TTC6: variants seen among roughly 807,000 people sequenced by gnomAD.
The protein encoded by TTC6 is tetratricopeptide repeat protein 6.
Under a neutral mutation model 210.4 loss-of-function variants are expected in TTC6, and 172 were observed. The observed-to-expected ratio is 0.82, with a 90% CI of 0.72 to 0.93. TTC6 has a LOEUF of 0.93. Among genes scored for constraint, TTC6 ranks in the 40% least tolerant of loss-of-function variants. TTC6 has a pLI of 0.00. For synonymous variants in TTC6, 804 were observed against 819.6 expected, an observed-to-expected ratio of 0.98 and a Z score of 0.32; for missense variants, 2,414 against 2,318.1, an observed-to-expected ratio of 1.04 and a Z score of -0.85.
chr14:37,795,294 A>G, exon 18 of TTC6: 1 of 1,532,742 alleles, frequency 6.5e-7, no homozygotes, highest in South Asian at 1.2e-5. Context: ...AAAGGCAGTA[A>G]ATGAATTGTC....
chr14:37,780,897 TG>T (rs781037644), intron 14 of TTC6, among the ~76,000 whole-genome samples: 1 of 152,148 alleles, frequency 6.6e-6, no homozygotes, highest in Non-Finnish European at 1.5e-5. Context: ...TCTGATCTTG[TG>T]ATAGTTTGCT....
chr14:37,741,543 G>A (rs1255584662), intron 10 of TTC6, among the ~76,000 whole-genome samples: 4 of 152,068 alleles, frequency 2.6e-5, no homozygotes, highest in African/African-American at 9.7e-5. Flanking sequence ...ACCTGCCTCA[G>A]CCTCCCAAAG....
chr14:37,830,077 G>A (rs2139011317), intron 29 of TTC6, among the ~76,000 whole-genome samples: 2 of 152,118 alleles, frequency 1.3e-5, no homozygotes, highest in East Asian at 1.9e-4. Flanking sequence ...TTGGAGTTTT[G>A]CATGTTGATA....
upstream of TTC6, among the ~76,000 whole-genome samples, chr14:37,621,385 G>A (rs2095650802): frequency 6.6e-6 from 1 of 152,194 alleles, no homozygotes; most frequent in Non-Finnish European, 1.5e-5. Context: ...TGAGGTGGGA[G>A]GATGGCATGA....
At chr14:37,802,728 C>G (rs771036513) in intron 20 of TTC6, among the ~76,000 whole-genome samples, 1 of 101,582 alleles carries the variant, frequency 9.8e-6, no homozygotes, top group Non-Finnish European at 1.9e-5. Flanking sequence ...CATTGACTTT[C>G]TTTTTTCTCT....
chr14:37,711,734 G>A (rs2095845052), intron 5 of TTC6, among the ~76,000 whole-genome samples: 1 of 152,056 alleles, frequency 6.6e-6, no homozygotes, highest in Admixed American at 6.6e-5. Flanking sequence ...GGGGGTGACT[G>A]ATAACAACAG....
At chr14:37,621,543 A>G (rs1338049190), upstream of TTC6, among the ~76,000 whole-genome samples, 5 of 152,186 alleles carry the variant, frequency 3.3e-5, no homozygotes, top group Non-Finnish European at 7.3e-5. Flanking sequence ...CAGGAGGCCG[A>G]GGCTGCACTA....
intron 29 of TTC6, among the ~76,000 whole-genome samples, chr14:37,831,061 A>G (rs886539632): frequency 3.9e-5 from 6 of 151,942 alleles, no homozygotes; most frequent in African/African-American, 1.5e-4. Flanking sequence ...CCATTAGCCA[A>G]CCTGTCTTCA....
At chr14:37,796,128 G>C (rs751336620) in intron 18 of TTC6, among the ~76,000 whole-genome samples, 166 bp from the exon 21 acceptor site, 13 of 151,892 alleles carry the variant, frequency 8.6e-5, no homozygotes, top group Non-Finnish European at 1.5e-4. Flanking sequence ...TATGCTAATT[G>C]ATATATTTAG....
At chr14:37,606,629 C>T in intron 1 of TTC6, 34 bp from the exon 2 acceptor site, 1 of 607,754 alleles carries the variant, frequency 1.6e-6, no homozygotes, top group Non-Finnish European at 2.1e-6. Context: ...CTTGTTAGTT[C>T]CCTTTAATCC....
intron 14 of TTC6, among the ~76,000 whole-genome samples, chr14:37,786,275 C>A (rs567085741): frequency 6.6e-6 from 1 of 152,326 alleles, no homozygotes; most frequent in East Asian, 1.9e-4. Context: ...GGGCTCCACC[C>A]AGTTCGAGTT....
intron 29 of TTC6, among the ~76,000 whole-genome samples, chr14:37,831,338 T>C (rs1254076366): frequency 6.6e-6 from 1 of 152,178 alleles, no homozygotes; most frequent in South Asian, 2.1e-4. Context: ...GATGGACACT[T>C]AGGGTGATTC....
chr14:37,753,344 A>G, intron 14 of TTC6, 109 bp downstream of exon 16: 2 of 961,506 alleles, frequency 2.1e-6, no homozygotes, highest in Non-Finnish European at 2.9e-6. Flanking sequence ...AAAACAATGA[A>G]TCAATTTTCA....
At chr14:37,826,430 G>T in intron 28 of TTC6, 83 bp downstream of exon 30, 1 of 1,190,942 alleles carries the variant, frequency 8.4e-7, no homozygotes, top group South Asian at 2.2e-5. Flanking sequence ...TTCTCTGTTA[G>T]CTTTTTAAAG....
chr14:37,706,118 T>G (rs1244014490), intron 5 of TTC6, among the ~76,000 whole-genome samples: 1 of 152,108 alleles, frequency 6.6e-6, no homozygotes, highest in Non-Finnish European at 1.5e-5. Context: ...TATGTATGTG[T>G]GAGGGCACGT....
chr14:37,823,096 G>A (rs572205329), intron 26 of TTC6, among the ~76,000 whole-genome samples: 14 of 152,208 alleles, frequency 9.2e-5, no homozygotes, highest in African/African-American at 3.4e-4. Context: ...GACTTTATAT[G>A]CCCATGAACA....
At position 37,772,411 on chromosome 14, in the gene TTC6, C is replaced by T. The variant is rs547894630; in HGVS notation, c.3267-15057C>T. 1.1e-4 allele frequency: 18 copies of T among 170,074 alleles called. 1 individual carries two copies. In the East Asian group the frequency reaches 1.6e-3, roughly 15 times the overall value. 10.5% of individuals were successfully genotyped at this position (170,074 alleles called of 1,614,324 possible). On this transcript the variant is annotated intron_variant, in intron 14 of 30. Transcript: ENST00000553443. ...GGCGCCCCTTCCCCAGCCTCGCTGC[C>T]GCCTTGCAGTTTGATCTCAGACTGC...
chr14:37,800,520 G>A (rs952315685), intron 20 of TTC6, among the ~76,000 whole-genome samples: 7 of 152,156 alleles, frequency 4.6e-5, no homozygotes, highest in Admixed American at 4.6e-4. Context: ...ACAAGGTGTG[G>A]CCGGACAACA....
At chr14:37,790,296 C>T (rs867561105) in intron 15 of TTC6, among the ~76,000 whole-genome samples, 9 of 152,196 alleles carry the variant, frequency 5.9e-5, no homozygotes, top group Middle Eastern at 3.4e-3. Flanking sequence ...TGGCCAGTAA[C>T]GATGGCTTCC....
Sources: gnomAD v4.1 joint callset for allele counts (sites outside exome capture counted in the v4.1 genomes callset) on GRCh38, gnomAD v4.1.1 for gene constraint, MANE v1.5 for transcripts, NCBI Gene and HGNC (gene_info 2026-07-23, HGNC 2026-07-21) for gene names.